The following VNN2 variants were observed in gnomAD, a reference collection of about 807,000 sequenced individuals.
The protein encoded by VNN2 is pantetheine hydrolase VNN2.
In VNN2, 43 loss-of-function variants were observed where a neutral mutation model predicts 43.0. The observed-to-expected ratio is 1.00, with a 90% confidence interval of 0.78 to 1.29. The LOEUF is 1.29. Among genes scored for constraint, VNN2 ranks in the 50% most tolerant of loss-of-function variants. The pLI is 0.00. For synonymous variants in VNN2, 230 were observed against 224.3 expected (o/e 1.03, Z -0.23); for missense variants, 652 against 619.7 (o/e 1.05, Z -0.55).
At chr6:132,759,275 C>T (rs1158685533), upstream of VNN2, among the ~76,000 whole-genome samples, 1 of 151,336 alleles carries the variant, frequency 6.6e-6, no homozygotes, top group Non-Finnish European at 1.5e-5. Flanking sequence ...CCCATCTCTA[C>T]CAAAAACACA....
rs1157324662 is a variant in VNN2 at position 132,745,316 on chromosome 6, A to G, written c.1372-825T>C. Reference sequence around the variant, plus strand: ...CTGCAACCTCCGCCTGCTGGGTTCAAGTGATTCTCCTGCCTCAAGCTCCCC... The same window carrying G: ...CTGCAACCTCCGCCTGCTGGGTTCAGGTGATTCTCCTGCCTCAAGCTCCCC... On this transcript the variant is annotated intron_variant, in intron 6 of 6. Transcript: ENST00000326499. Among the ~76,000 whole-genome samples, 6 of 152,276 alleles carry G rather than the reference A, an allele frequency of 3.9e-5. No individual in the cohort carries two copies. In the East Asian group the frequency reaches 1.2e-3, roughly 29 times the overall value.
At chr6:132,763,151 G>A (rs937794537) in intron 1 of VNN2, among the ~76,000 whole-genome samples, 8 of 152,010 alleles carry the variant, frequency 5.3e-5, no homozygotes, top group East Asian at 1.9e-4. Context: ...CAAGTCACTC[G>A]TTGATTTATG....
At chr6:132,746,900 A>G (rs1298097729) in intron 6 of VNN2, among the ~76,000 whole-genome samples, 1 of 149,398 alleles carries the variant, frequency 6.7e-6, no homozygotes, top group Non-Finnish European at 1.5e-5. Context: ...AAGTCATGCC[A>G]CAGAGAATCT....
chr6:132,747,217 A>T (rs147948137), intron 6 of VNN2, among the ~76,000 whole-genome samples: 10 of 152,088 alleles, frequency 6.6e-5, no homozygotes, highest in African/African-American at 1.9e-4. Flanking sequence ...AAAAGTTGAG[A>T]CCTACTGATA....
At chr6:132,751,003 T>C (rs1170024047) in intron 5 of VNN2, 142 bp downstream of exon 5, 3 of 957,072 alleles carry the variant, frequency 3.1e-6, no homozygotes, top group Non-Finnish European at 3.1e-6. Flanking sequence ...CACGTGTGTG[T>C]GTGTGTGTTG....
intron 3 of VNN2, among the ~76,000 whole-genome samples, chr6:132,754,230 C>T (rs1033164491): frequency 2.0e-5 from 3 of 152,140 alleles, no homozygotes; most frequent in Non-Finnish European, 4.4e-5. Context: ...TGCAAACAAT[C>T]TCCCAAGCAA....
At chr6:132,750,514 T>TATATATATATATA (rs369805846) in intron 5 of VNN2, among the ~76,000 whole-genome samples, 13 of 114,278 alleles carry the variant, frequency 1.1e-4, no homozygotes, top group East Asian at 2.1e-4. Context: ...TATATATATA[T>TATATATATATATA]TTTTCCAGGT....
chr6:132,757,416 C>T lies in VNN2; in HGVS notation c.344G>A (p.Arg115Lys), dbSNP rs772694938. ...VNWIPCQDPH[R>K]FGHTPVQARL... ...CAAAAGACTAAGATAGTTAAAATAC[C>T]TGTGGGGGTCTTGACACGGAATCCA... The change falls in exon 2 of 7, where the codon AGA becomes AAA. Residue 115 changes from arginine to lysine, a missense_variant and splice_region_variant. By Grantham distance (26) the Arg-to-Lys change is conservative. Coordinates refer to ENST00000326499, the MANE Select transcript of VNN2 (RefSeq NM_004665.6). 1.9e-6 allele frequency: 3 copies of T among 1,599,980 alleles called. No homozygotes were observed. In the East Asian group the frequency reaches 6.7e-5, roughly 36 times the overall value.
chr6:132,755,962 A>G lies in VNN2; in HGVS notation c.418T>C (p.Leu140=), dbSNP rs917019142. 1.6e-5 allele frequency: 26 copies of G among 1,613,946 alleles called. No individual in the cohort carries two copies. Among genetic ancestry groups the G allele is most frequent in the Middle Eastern group, 1.6e-4 (1 of 6,082 alleles). ...GAATTACATGGCTTTTTGTCCCCCA[A>G]ATTTGCCAAGACATAGATAGAGTTG... ...KDNSIYVLAN[L]GDKKPCNSRD... is the part of the protein sequence containing the mutation. The change falls in exon 3 of 7, where the codon TTG becomes CTG. Residue 140 remains leucine, a synonymous_variant. Transcript: ENST00000326499.
chr6:132,752,910 A>G (rs1780213451), intron 3 of VNN2, 161 bp from the exon 4 acceptor site: 1 of 692,936 alleles, frequency 1.4e-6, no homozygotes, highest in Non-Finnish European at 2.4e-6. Flanking sequence ...TCTAAGGAAA[A>G]TGTGGAGGAA....
intron 6 of VNN2, among the ~76,000 whole-genome samples, chr6:132,748,284 A>G (rs766211817): frequency 4.6e-5 from 7 of 152,170 alleles, no homozygotes; most frequent in Non-Finnish European, 1.0e-4. Flanking sequence ...TGTAGTTGGC[A>G]CTTCAGCTTT....
At chr6:132,746,788 C>T (rs1582813987) in intron 6 of VNN2, among the ~76,000 whole-genome samples, 1 of 152,302 alleles carries the variant, frequency 6.6e-6, no homozygotes, top group African/African-American at 2.4e-5. Flanking sequence ...TTGTTCCCAG[C>T]TAAGGGAACC....
intron 6 of VNN2, among the ~76,000 whole-genome samples, chr6:132,745,950 C>T (rs957230755): frequency 1.3e-5 from 2 of 152,170 alleles, no homozygotes; most frequent in Non-Finnish European, 2.9e-5. Flanking sequence ...ATTAGGAAAA[C>T]AGATGCTTTA....
At chr6:132,746,169 T>C (rs950363986) in intron 6 of VNN2, among the ~76,000 whole-genome samples, 4 of 152,214 alleles carry the variant, frequency 2.6e-5, no homozygotes, top group African/African-American at 9.7e-5. Context: ...CTGCCAGTGC[T>C]TCTGACAATA....
In VNN2 at chr6:132,753,003, AC is replaced by A. The variant is rs35794301; in HGVS notation, c.538-255del. The A allele has an allele frequency of 9.6e-4, 375 of 388,796 alleles. 2 individuals are homozygous for A. In the Admixed American group the frequency reaches 0.014, roughly 14 times the overall value. 24.1% of individuals were successfully genotyped at this position (388,796 alleles called of 1,614,324 possible). Reference sequence around the variant, plus strand: ...CCTCTCTCTCAGTTAAGAGCCAAATACCCCCCCATAAACCCCAAAGTCCGTA... The same window carrying A: ...CCTCTCTCTCAGTTAAGAGCCAAATACCCCCCATAAACCCCAAAGTCCGTA... On this transcript the variant is annotated intron_variant, in intron 3 of 6. Coordinates refer to ENST00000326499, the MANE Select transcript of VNN2 (RefSeq NM_004665.6).
At chr6:132,750,958 A>T (rs1698584549) in intron 5 of VNN2, among the ~76,000 whole-genome samples, 187 bp downstream of exon 5, 1 of 151,964 alleles carries the variant, frequency 6.6e-6, no homozygotes, top group Admixed American at 6.6e-5. Flanking sequence ...TCCCATTGTA[A>T]ATATTTTATC....
In VNN2 at chr6:132,757,441, A is replaced by G. The variant is rs1780542529; in HGVS notation, c.319T>C (p.Trp107Arg). ...LEDIPDPQVN[W>R]IPCQDPHRFG... ...CTGTGGGGGTCTTGACACGGAATCC[A>G]GTTCACCTGAGGGTCTGGGATATCC... Residue 107 changes from tryptophan (W) to arginine (R), a missense_variant, in exon 2 of 7, where the codon TGG becomes CGG. By Grantham distance (101) the Trp-to-Arg change is moderately radical. Transcript: ENST00000326499. The G allele has an allele frequency of 6.2e-7, 1 of 1,610,952 alleles. No individual in the cohort carries two copies.
In VNN2 at chr6:132,757,404, T is replaced by A. The variant is rs546738323; in HGVS notation, c.344+12A>T. 6.3e-7 allele frequency: 1 copy of A among 1,586,064 alleles called. No individual in the cohort carries two copies. Among genetic ancestry groups the A allele is most frequent in the South Asian group, 1.2e-5 (1 of 86,316 alleles). ...GTTACTTTTGCACAAAAGACTAAGA[T>A]AGTTAAAATACCTGTGGGGGTCTTG... On this transcript the variant is annotated intron_variant, in intron 2 of 6. Transcript: ENST00000326499.
chr6:132,753,538 A>C (rs1456364990), intron 3 of VNN2: 3 of 443,920 alleles, frequency 6.8e-6, no homozygotes, highest in Non-Finnish European at 1.3e-5. Context: ...GATTCCTTCT[A>C]GGTAAACTAA....
Sources: allele counts gnomAD v4.1 joint callset (sites outside exome capture counted in the v4.1 genomes callset), GRCh38; gene constraint gnomAD v4.1.1; transcripts MANE v1.5; gene names NCBI Gene and HGNC (gene_info 2026-07-23, HGNC 2026-07-21).